The following CPLX1 variants were observed in gnomAD, a reference collection of about 807,000 sequenced individuals.
CPLX1 encodes complexin 1.
Under a neutral mutation model 15.6 loss-of-function variants are expected in CPLX1, and 6 were observed. The ratio of observed to expected loss-of-function variants is 0.39; its 90% CI spans 0.21 to 0.76. The LOEUF is 0.76. CPLX1 is among the 30% of genes least tolerant of loss of function. CPLX1 has a pLI of 0.43. For synonymous variants in CPLX1, 91 were observed against 75.2 expected (o/e 1.21, Z -1.08); for missense variants, 242 against 188.6 (o/e 1.28, Z -1.66).
rs551650836 is a variant in CPLX1 at position 797,792 on chromosome 4, G to T, written c.32-5184C>A. ...ACTAAAAATACAAAAAAGTAGCCGGGCATGGTGGCGGGCGCCTGTAGTCCC... is the reference window on the plus strand; with the variant it reads ...ACTAAAAATACAAAAAAGTAGCCGGTCATGGTGGCGGGCGCCTGTAGTCCC... On this transcript the variant is annotated intron_variant, in intron 2 of 3. Coordinates refer to ENST00000304062, the MANE Select transcript of CPLX1 (RefSeq NM_006651.4). Among the ~76,000 whole-genome samples, 53 of 152,170 alleles carry T rather than the reference G, an allele frequency of 3.5e-4. No individual in the cohort carries two copies. The East Asian group carries it at 5.9e-3, about 17-fold the overall frequency.
At chr4:814,423 G>C (rs1481447323) in intron 2 of CPLX1, among the ~76,000 whole-genome samples, 1 of 152,146 alleles carries the variant, frequency 6.6e-6, no homozygotes, top group Non-Finnish European at 1.5e-5. Flanking sequence ...ATGTTGGCCA[G>C]GCTGATCTTG....
intron 2 of CPLX1, chr4:804,829 G>A (rs1560242562): frequency 2.1e-5 from 21 of 985,032 alleles, no homozygotes; most frequent in Non-Finnish European, 2.4e-5. Flanking sequence ...AGGCCGGCAA[G>A]CGTGGGGAGC....
intron 2 of CPLX1, 50 bp from the exon 3 acceptor site, chr4:792,658 C>G: frequency 1.3e-6 from 2 of 1,557,926 alleles, no homozygotes; most frequent in South Asian, 2.4e-5. Flanking sequence ...TGTCCAGGGC[C>G]GGGCTAGTGT....
chr4:802,299 A>G (rs1400551871), intron 2 of CPLX1, among the ~76,000 whole-genome samples: 1 of 152,264 alleles, frequency 6.6e-6, no homozygotes, highest in Non-Finnish European at 1.5e-5. Flanking sequence ...GGCCAGATAC[A>G]AATTATTTAA....
intron 3 of CPLX1, chr4:788,405 C>G (rs1247233586): frequency 2.0e-6 from 2 of 985,388 alleles, no homozygotes; most frequent in Non-Finnish European, 2.4e-6. Context: ...CCGCCTGTGG[C>G]CAGACCACCA....
intron 2 of CPLX1, among the ~76,000 whole-genome samples, chr4:816,646 T>C (rs1245572836): frequency 6.6e-6 from 1 of 151,874 alleles, no homozygotes; most frequent in Non-Finnish European, 1.5e-5. Context: ...GGAAACATGG[T>C]GGGACCCTGT....
At position 824,572 on chromosome 4, in the gene CPLX1, C is replaced by A. The variant is rs148651183; in HGVS notation, c.-50G>T. Reference sequence around the variant, plus strand: ...GCTCCTCCAGGGGTCAGAACTCACACGCAAGTATGGCCGGGAGCGAGTGTT... The same window carrying A: ...GCTCCTCCAGGGGTCAGAACTCACAAGCAAGTATGGCCGGGAGCGAGTGTT... On this transcript the variant is annotated 5_prime_UTR_variant, in exon 2 of 4. Coordinates refer to ENST00000304062, the MANE Select transcript of CPLX1 (RefSeq NM_006651.4). 4 of 1,599,508 alleles carry A rather than the reference C, an allele frequency of 2.5e-6. No individual in the cohort carries two copies. The East Asian group carries it at 6.7e-5, about 27-fold the overall frequency.
In CPLX1 at chr4:792,560, T is replaced by C. The variant is rs754069852; in HGVS notation, c.80A>G (p.Asp27Gly). 2 of 1,613,148 alleles carry C rather than the reference T, an allele frequency of 1.2e-6. No homozygotes were observed. The highest frequency in any genetic ancestry group is 4.5e-5 in the East Asian group (2 of 44,808). The change falls in exon 3 of 4, where the codon GAC (aspartate) becomes GGC (glycine). Residue 27 changes from aspartate (D) to glycine (G), a missense_variant. Physicochemically the swap from Asp to Gly is moderately conservative, Grantham distance 94 (BLOSUM62 -1). Coordinates refer to ENST00000304062, the MANE Select transcript of CPLX1 (RefSeq NM_006651.4). ...CTCCTCCTTCTTGGCGGCGTCTGGG[T>C]CCTTCTCCTCGTCACCCCCCAGCAT... ...GKMLGGDEEK[D>G]PDAAKKEEER...
At position 816,213 on chromosome 4, in the gene CPLX1, A is replaced by ATTT. The variant is rs34183163; in HGVS notation, c.31+8276_31+8278dup. Among the ~76,000 whole-genome samples, 298 of 115,018 alleles carry ATTT rather than the reference A, an allele frequency of 2.6e-3. 8 individuals are homozygous for ATTT. The highest frequency in any genetic ancestry group is 7.3e-3 in the African/African-American group (214 of 29,402). The allele number at this position is 115,018 out of a possible 152,430, so 75.5% of individuals were successfully genotyped here. A position where few individuals can be genotyped will look rare whatever the true frequency, so the allele number is the denominator to read the frequency against. ...TGGATCTGAAGGCATTCTCCGTGAA[A>ATTT]TTTTTTTTTTTTTTTTTTTTTTTGA... On this transcript the variant is annotated intron_variant, in intron 2 of 3. Transcript: ENST00000304062.
intron 2 of CPLX1, among the ~76,000 whole-genome samples, chr4:792,987 A>G (rs1227005994): frequency 6.6e-6 from 1 of 151,816 alleles, no homozygotes; most frequent in Non-Finnish European, 1.5e-5. Flanking sequence ...GTACATCTGT[A>G]TGTGGTTCTG....
At chr4:810,344 C>T (rs537392239) in intron 2 of CPLX1, among the ~76,000 whole-genome samples, 30 of 152,310 alleles carry the variant, frequency 2.0e-4, no homozygotes, top group South Asian at 4.1e-4. Context: ...CCACCACGCC[C>T]GGCCTTGGGT....
intron 2 of CPLX1, among the ~76,000 whole-genome samples, chr4:805,859 C>A (rs1408156434): frequency 3.3e-5 from 5 of 152,120 alleles, no homozygotes; most frequent in Non-Finnish European, 7.4e-5. Context: ...CACAAAAAGA[C>A]AAATACTGTA....
chr4:819,680 T>C (rs1746824467), intron 2 of CPLX1, among the ~76,000 whole-genome samples: 1 of 152,186 alleles, frequency 6.6e-6, no homozygotes, highest in Non-Finnish European at 1.5e-5. Flanking sequence ...CCGGCCTCTG[T>C]TTGGAGTAGG....
chr4:814,078 C>T (rs1268026566), intron 2 of CPLX1, among the ~76,000 whole-genome samples: 2 of 152,224 alleles, frequency 1.3e-5, no homozygotes, highest in Non-Finnish European at 2.9e-5. Flanking sequence ...AACTCAGAGG[C>T]CTCTCTCCCG....
chr4:806,686 C>T (rs566411195), intron 2 of CPLX1, among the ~76,000 whole-genome samples: 18 of 152,132 alleles, frequency 1.2e-4, no homozygotes, highest in East Asian at 1.9e-4. Context: ...GGAACCCAAA[C>T]GAAAGACATT....
chr4:792,665 G>C (rs1577471010), intron 2 of CPLX1, 57 bp from the exon 3 acceptor site: 1 of 1,545,180 alleles, frequency 6.5e-7, no homozygotes, highest in East Asian at 2.4e-5. Context: ...GGCCGGGCTA[G>C]TGTCTCAGCC....
intron 2 of CPLX1, among the ~76,000 whole-genome samples, chr4:807,445 TAC>T (rs1746577121): frequency 6.6e-6 from 1 of 152,074 alleles, no homozygotes; most frequent in Admixed American, 6.6e-5. Flanking sequence ...GTAACAAACC[TAC>T]ACATCCTGCA....
intron 2 of CPLX1, among the ~76,000 whole-genome samples, chr4:804,498 T>C (rs1746517321): frequency 2.0e-5 from 3 of 151,650 alleles, no homozygotes; most frequent in Admixed American, 6.6e-5. Flanking sequence ...CTATAGAACC[T>C]ATATCAGAAA....
At chr4:796,067 G>GC (rs1478166798) in intron 2 of CPLX1, among the ~76,000 whole-genome samples, 2 of 152,118 alleles carry the variant, frequency 1.3e-5, no homozygotes, top group Non-Finnish European at 2.9e-5. Flanking sequence ...CAGAGCAGCC[G>GC]CCCCTGAGGT....
Sources: allele counts gnomAD v4.1 joint callset (sites outside exome capture counted in the v4.1 genomes callset), GRCh38; gene constraint gnomAD v4.1.1; transcripts MANE v1.5; gene names NCBI Gene and HGNC (gene_info 2026-07-23, HGNC 2026-07-21).